Variants in ADRA1B observed in about 807,000 individuals in gnomAD.
ADRA1B encodes the protein alpha-1B adrenergic receptor.
In ADRA1B, 17 loss-of-function variants were observed where a neutral mutation model predicts 17.9. The ratio of observed to expected loss-of-function variants is 0.95; its 90% CI spans 0.65 to 1.42. The LOEUF (loss-of-function observed/expected upper bound fraction) is 1.42. ADRA1B is among the 40% of genes most tolerant of loss of function. The probability of loss-of-function intolerance (pLI) is 0.00; values close to 1 mark genes in which losing one functional copy is unlikely to be tolerated. For missense variants in ADRA1B, 681 were observed against 722.1 expected, an observed-to-expected ratio of 0.94 and a Z score of 0.65; for synonymous variants, 366 against 327.6, an observed-to-expected ratio of 1.12 and a Z score of -1.27.
the ADRA1B span, among the ~76,000 whole-genome samples, chr5:159,979,805 T>C: frequency 6.6e-6 from 1 of 151,540 alleles, no homozygotes; most frequent in Non-Finnish European, 1.5e-5. Context: ...GAGAAGAAAG[T>C]TGCAGTGAGC....
intron 1 of ADRA1B, chr5:159,947,740 A>G: frequency 1.0e-6 from 1 of 985,460 alleles, no homozygotes; most frequent in African/African-American, 1.7e-5. Flanking sequence ...CTGTAAATCC[A>G]GGAAAGAAAT....
downstream of ADRA1B, among the ~76,000 whole-genome samples, chr5:159,974,864 T>C (rs914564377): frequency 6.6e-6 from 1 of 152,152 alleles, no homozygotes; most frequent in East Asian, 1.9e-4. Flanking sequence ...ATTTTACACA[T>C]GGGGAGACTG....
At chr5:159,884,402 T>G (rs561961674) in intron 1 of ADRA1B, among the ~76,000 whole-genome samples, 2 of 152,308 alleles carry the variant, frequency 1.3e-5, no homozygotes, top group Non-Finnish European at 2.9e-5. Flanking sequence ...GGTTTGTTAT[T>G]ATGGAAGCAG....
chr5:159,900,035 A>G (rs1016853646), intron 1 of ADRA1B, among the ~76,000 whole-genome samples: 1 of 152,224 alleles, frequency 6.6e-6, no homozygotes, highest in African/African-American at 2.4e-5. Flanking sequence ...CTTTATCAAC[A>G]CAGTAATTCT....
Position 159,916,783 on chromosome 5 carries a change from G to A in ADRA1B, c.-123G>A. 3.1e-6 allele frequency: 3 copies of A among 967,796 alleles called. No individual in the cohort carries two copies. Among genetic ancestry groups the A allele is most frequent in the South Asian group, 3.4e-5 (2 of 58,300 alleles). The allele number at this position is 967,796 out of a possible 1,614,324, so 60.0% of individuals were successfully genotyped here. A position where few individuals can be genotyped will look rare whatever the true frequency, so the allele number is the denominator to read the frequency against. On this transcript the variant is annotated 5_prime_UTR_variant, in exon 1 of 2. Coordinates refer to ENST00000306675, the MANE Select transcript of ADRA1B (RefSeq NM_000679.4). ...GGCTGCCCGGGGGAGATGACTCCTC[G>A]CCAGGAGGGCGCCTCTGGGAAGAAG...
chr5:159,944,748 T>G (rs1021872341), intron 1 of ADRA1B, among the ~76,000 whole-genome samples: 9 of 152,100 alleles, frequency 5.9e-5, no homozygotes, highest in Non-Finnish European at 7.4e-5. Flanking sequence ...TAGCCTAAAT[T>G]TACAGATATG....
chr5:159,942,123 G>C (rs918937650), intron 1 of ADRA1B, among the ~76,000 whole-genome samples: 1 of 151,820 alleles, frequency 6.6e-6, no homozygotes, highest in Non-Finnish European at 1.5e-5. Context: ...GGGGTTTCAC[G>C]GTGTTAGCCA....
chr5:159,896,774 T>C (rs1399215612), intron 1 of ADRA1B, among the ~76,000 whole-genome samples: 1 of 151,966 alleles, frequency 6.6e-6, no homozygotes. Context: ...GGACAGAGAG[T>C]ACTGCCCAGC....
At chr5:159,901,706 G>A (rs1754102927) in intron 1 of ADRA1B, among the ~76,000 whole-genome samples, 1 of 152,108 alleles carries the variant, frequency 6.6e-6, no homozygotes, top group Non-Finnish European at 1.5e-5. Flanking sequence ...ACAAAGAATA[G>A]ACATTTCTCC....
chr5:159,923,414 G>A (rs541972543), intron 1 of ADRA1B, among the ~76,000 whole-genome samples: 1 of 152,382 alleles, frequency 6.6e-6, no homozygotes, highest in East Asian at 1.9e-4. Flanking sequence ...GGGCAGTGGA[G>A]GTGGAGAAGC....
At chr5:159,981,067 C>T in the ADRA1B span, among the ~76,000 whole-genome samples, 2 of 152,134 alleles carry the variant, frequency 1.3e-5, no homozygotes, top group African/African-American at 4.8e-5. Flanking sequence ...ACTTCTAGGC[C>T]AGGGGCTCTC....
chr5:159,946,927 C>G (rs1413807566), intron 1 of ADRA1B, among the ~76,000 whole-genome samples: 1 of 152,164 alleles, frequency 6.6e-6, no homozygotes, highest in Non-Finnish European at 1.5e-5. Context: ...TGGTGGAGAA[C>G]TAATATTGAC....
At chr5:159,941,695 A>G (rs537180638) in intron 1 of ADRA1B, among the ~76,000 whole-genome samples, 1 of 152,302 alleles carries the variant, frequency 6.6e-6, no homozygotes, top group South Asian at 2.1e-4. Flanking sequence ...TTATTTGGCC[A>G]AAGAAAAGAG....
intron 1 of ADRA1B, among the ~76,000 whole-genome samples, chr5:159,883,737 TAAG>T (rs1036210732): frequency 3.9e-5 from 6 of 152,240 alleles, no homozygotes; most frequent in African/African-American, 1.4e-4. Flanking sequence ...AATTTATTTC[TAAG>T]AAGAGGGTGA....
chr5:159,866,733 G>A (rs1753659185), intron 1 of ADRA1B: 1 of 152,176 alleles, frequency 6.6e-6, no homozygotes, highest in African/African-American at 2.4e-5. Context: ...ACGTCAAACA[G>A]CTAGAAACTT....
intron 1 of ADRA1B, among the ~76,000 whole-genome samples, chr5:159,900,070 T>C (rs1362455660): frequency 6.6e-6 from 1 of 152,230 alleles, no homozygotes; most frequent in Non-Finnish European, 1.5e-5. Flanking sequence ...CTAGTTTAAA[T>C]AGTCTATTCT....
intron 1 of ADRA1B, among the ~76,000 whole-genome samples, chr5:159,964,584 T>C (rs983442812): frequency 5.9e-5 from 9 of 152,216 alleles, no homozygotes; most frequent in African/African-American, 2.2e-4. Context: ...GCTTTAGACC[T>C]GGGATGGGGG....
chr5:159,969,906 TAC>T (rs138406911), intron 1 of ADRA1B, among the ~76,000 whole-genome samples: 3,852 of 152,216 alleles, frequency 0.025, 168 homozygotes, highest in African/African-American at 0.088. Context: ...TTCTCATCTT[TAC>T]ACAGAGTATT....
In ADRA1B at chr5:159,916,783, G is replaced by T. The variant is rs1220380757; in HGVS notation, c.-123G>T. The T allele has an allele frequency of 6.2e-6, 6 of 967,796 alleles. No homozygotes were observed. The highest frequency in any genetic ancestry group is 9.1e-6 in the Non-Finnish European group (6 of 656,974). The allele number at this position is 967,796 out of a possible 1,614,324, so 60.0% of individuals were successfully genotyped here. ...GGCTGCCCGGGGGAGATGACTCCTCGCCAGGAGGGCGCCTCTGGGAAGAAG... is the reference window on the plus strand; with the variant it reads ...GGCTGCCCGGGGGAGATGACTCCTCTCCAGGAGGGCGCCTCTGGGAAGAAG... On this transcript the variant is annotated 5_prime_UTR_variant, in exon 1 of 2. Transcript: ENST00000306675.
Sources: gnomAD v4.1 joint callset for allele counts (sites outside exome capture counted in the v4.1 genomes callset) on GRCh38, gnomAD v4.1.1 for gene constraint, MANE v1.5 for transcripts, NCBI Gene and HGNC (gene_info 2026-07-23, HGNC 2026-07-21) for gene names.